ARSB: variants seen among roughly 807,000 people sequenced by gnomAD.
ARSB encodes N-acetylgalactosamine-4-sulfatase.
In ARSB, 41 loss-of-function variants were observed where a neutral mutation model predicts 50.9. The ratio of observed to expected loss-of-function variants is 0.81; its 90% CI spans 0.63 to 1.04. The LOEUF (loss-of-function observed/expected upper bound fraction) is 1.04, where lower values mean the gene tolerates loss of function less well. ARSB is among the 50% of genes least tolerant of loss of function. ARSB has a pLI of 0.00. For synonymous variants in ARSB, 269 were observed against 284.8 expected (o/e 0.94, Z 0.56); for missense variants, 672 against 693.3 (o/e 0.97, Z 0.35).
chr5:78,959,832 A>T (rs1479718991), intron 3 of ARSB, among the ~76,000 whole-genome samples: 1 of 152,246 alleles, frequency 6.6e-6, no homozygotes, highest in Non-Finnish European at 1.5e-5. Context: ...ACTATATGGT[A>T]GCCTAGTGGA....
chr5:78,954,119 G>GA (rs1751604672), intron 4 of ARSB, among the ~76,000 whole-genome samples: 1 of 151,922 alleles, frequency 6.6e-6, no homozygotes, highest in Non-Finnish European at 1.5e-5. Context: ...AAAAAACTAG[G>GA]AAAAATTAGA....
chr5:78,932,973 T>G (rs1208870149), intron 4 of ARSB, among the ~76,000 whole-genome samples: 1 of 152,186 alleles, frequency 6.6e-6, no homozygotes, highest in Non-Finnish European at 1.5e-5. Context: ...AAACAGCACT[T>G]ACTGTCATTG....
chr5:78,785,170 T>C (rs778947187), intron 6 of ARSB, among the ~76,000 whole-genome samples: 26 of 152,244 alleles, frequency 1.7e-4, no homozygotes, highest in African/African-American at 5.8e-4. Flanking sequence ...TTGTTTTCTA[T>C]TTCATTAACT....
chr5:78,916,365 A>G lies in ARSB; in HGVS notation c.899-30538T>C, dbSNP rs144991369. Among the ~76,000 whole-genome samples the G allele has an allele frequency of 1.2e-3, 177 of 152,344 alleles. 3 individuals carry two copies. Among genetic ancestry groups the G allele is most frequent in the African/African-American group, 4.1e-3 (169 of 41,578 alleles). Reference sequence around the variant, plus strand: ...AAGGAGACTGGGCCTGGGCACACAGACAAACTGTCTTTAGTTTAAAGAGGA... The same window carrying G: ...AAGGAGACTGGGCCTGGGCACACAGGCAAACTGTCTTTAGTTTAAAGAGGA... On this transcript the variant is annotated intron_variant, in intron 4 of 7. Transcript: ENST00000264914.
At position 78,781,878 on chromosome 5, in the gene ARSB, T is replaced by C; in HGVS notation, c.1310A>G (p.Asn437Ser). ...TGGGTAGCCCGTGAGGAGTTTCCAATTTCCATGTCTAATTGCAGCATGGAC... is the reference window on the plus strand; with the variant it reads ...TGGGTAGCCCGTGAGGAGTTTCCAACTTCCATGTCTAATTGCAGCATGGAC... Reference protein sequence around the residue: ...TSVHAAIRHGNWKLLTGYPGC... With the variant: ...TSVHAAIRHGSWKLLTGYPGC... The change falls in exon 7 of 8, where the codon AAT (asparagine) becomes AGT (serine). Residue 437 changes from asparagine to serine, a missense_variant. Asn to Ser is a conservative substitution (Grantham distance 46, BLOSUM62 1). Transcript: ENST00000264914. 5 of 1,614,136 alleles carry C rather than the reference T, an allele frequency of 3.1e-6. No homozygotes were observed. The highest frequency in any genetic ancestry group is 3.4e-6 in the Non-Finnish European group (4 of 1,179,978).
intron 4 of ARSB, among the ~76,000 whole-genome samples, chr5:78,954,695 A>G (rs2919651): frequency 0.47 from 70,692 of 151,680 alleles, 16,437 homozygotes; most frequent in African/African-American, 0.53. Context: ...AGTAGAGAAG[A>G]GGTTTCACCA....
intron 6 of ARSB, among the ~76,000 whole-genome samples, chr5:78,804,591 T>C (rs575655947): frequency 6.6e-6 from 1 of 152,286 alleles, no homozygotes; most frequent in Admixed American, 6.5e-5. Flanking sequence ...TGGCAGATAA[T>C]TAAGACACTA....
chr5:78,859,685 G>A (rs183332106), intron 5 of ARSB, among the ~76,000 whole-genome samples: 6 of 152,042 alleles, frequency 3.9e-5, no homozygotes, highest in Middle Eastern at 3.4e-3. Flanking sequence ...TGCCTCCATC[G>A]AATGATGGGA....
chr5:78,902,455 G>C (rs1270899222), intron 4 of ARSB, among the ~76,000 whole-genome samples: 2 of 152,124 alleles, frequency 1.3e-5, no homozygotes, highest in Non-Finnish European at 2.9e-5. Context: ...TACCTGAATG[G>C]TCATAGCAGC....
intron 4 of ARSB, among the ~76,000 whole-genome samples, chr5:78,935,717 G>C (rs990360562): frequency 5.3e-5 from 8 of 152,148 alleles, no homozygotes; most frequent in African/African-American, 1.9e-4. Flanking sequence ...TATGTGTCAG[G>C]AAGTGCTGCA....
intron 6 of ARSB, among the ~76,000 whole-genome samples, chr5:78,838,938 G>A (rs189051681): frequency 2.6e-4 from 40 of 152,300 alleles, no homozygotes; most frequent in Admixed American, 2.4e-3. Context: ...TAATGTGGTT[G>A]CTCACACTAC....
intron 6 of ARSB, among the ~76,000 whole-genome samples, chr5:78,818,890 T>C (rs1157140915): frequency 6.6e-6 from 1 of 152,176 alleles, no homozygotes; most frequent in East Asian, 1.9e-4. Context: ...CTGTTTTGCA[T>C]TGCAAGCAGT....
intron 4 of ARSB, among the ~76,000 whole-genome samples, chr5:78,890,052 GT>G (rs1166448332): frequency 1.3e-5 from 2 of 152,124 alleles, no homozygotes; most frequent in Non-Finnish European, 2.9e-5. Context: ...AAGCCTCTTT[GT>G]CCCAGAAAAG....
chr5:78,833,725 C>T (rs1744797339), intron 6 of ARSB, among the ~76,000 whole-genome samples: 2 of 152,126 alleles, frequency 1.3e-5, no homozygotes, highest in Non-Finnish European at 2.9e-5. Flanking sequence ...CCGAGCCAGG[C>T]CAGAGGCAAA....
At chr5:78,815,862 G>T (rs1743964582) in intron 6 of ARSB, 1 of 1,380,542 alleles carries the variant, frequency 7.2e-7, no homozygotes, top group Non-Finnish European at 9.4e-7. Flanking sequence ...TATAAGAAAT[G>T]ACCCATCTGT....
intron 4 of ARSB, among the ~76,000 whole-genome samples, chr5:78,919,087 A>T (rs1749689228): frequency 6.6e-6 from 1 of 152,200 alleles, no homozygotes; most frequent in South Asian, 2.1e-4. Flanking sequence ...CCACTCTCCA[A>T]TCTGAGAGAA....
chr5:78,851,376 G>C (rs1745769193), intron 5 of ARSB, among the ~76,000 whole-genome samples: 1 of 152,178 alleles, frequency 6.6e-6, no homozygotes, highest in African/African-American at 2.4e-5. Context: ...AGTTTTGAGT[G>C]AGTTTCTGAA....
chr5:78,860,255 T>G (rs1351740707), intron 5 of ARSB, among the ~76,000 whole-genome samples: 1 of 152,130 alleles, frequency 6.6e-6, no homozygotes, highest in African/African-American at 2.4e-5. Flanking sequence ...TGTGTGGGAG[T>G]CTAAGTCTCT....
intron 6 of ARSB, among the ~76,000 whole-genome samples, chr5:78,799,995 C>G (rs1743322530): frequency 6.6e-6 from 1 of 152,072 alleles, no homozygotes; most frequent in Non-Finnish European, 1.5e-5. Context: ...TGTGACAAAC[C>G]CAGAGTTGGC....
Sources: allele counts gnomAD v4.1 joint callset (sites outside exome capture counted in the v4.1 genomes callset), GRCh38; gene constraint gnomAD v4.1.1; transcripts MANE v1.5; gene names NCBI Gene and HGNC (gene_info 2026-07-23, HGNC 2026-07-21).